Variants in ERAP1 observed in about 807,000 individuals in gnomAD.
ERAP1 encodes the protein endoplasmic reticulum aminopeptidase 1.
In ERAP1, 86 loss-of-function variants were observed where a neutral mutation model predicts 103.7. The ratio of observed to expected loss-of-function variants is 0.83; its 90% CI spans 0.70 to 0.99. The LOEUF (loss-of-function observed/expected upper bound fraction) is 0.99. Among genes scored for constraint, ERAP1 ranks in the 50% least tolerant of loss-of-function variants. The pLI is 0.00. For missense variants in ERAP1, 1,009 were observed against 1,128.4 expected (o/e 0.89, Z 1.52); for synonymous variants, 398 against 402.4 (o/e 0.99, Z 0.13).
the ERAP1 span, chr5:96,892,340 A>G: frequency 3.1e-6 from 5 of 1,613,864 alleles, no homozygotes; most frequent in Non-Finnish European, 4.2e-6. Flanking sequence ...AGCCATGGAA[A>G]ATTGGGGCCT....
chr5:96,870,554 A>G, the ERAP1 span, among the ~76,000 whole-genome samples: 2 of 151,978 alleles, frequency 1.3e-5, no homozygotes, highest in African/African-American at 2.4e-5. Flanking sequence ...CACCTATAAC[A>G]TCCCATAATG....
chr5:96,885,176 TC>T, the ERAP1 span, among the ~76,000 whole-genome samples: 1 of 152,150 alleles, frequency 6.6e-6, no homozygotes, highest in Non-Finnish European at 1.5e-5. Flanking sequence ...CAGACGTATT[TC>T]CCCATAGTCT....
chr5:96,785,676 C>T, intron 13 of ERAP1, 112 bp downstream of exon 13: 1 of 1,224,024 alleles, frequency 8.2e-7, no homozygotes, highest in Non-Finnish European at 1.2e-6. Context: ...TAAAGGAAAA[C>T]ACCTTTCAAC....
chr5:96,902,631 C>A, the ERAP1 span: 2 of 262,510 alleles, frequency 7.6e-6, 1 homozygote, highest in East Asian at 1.7e-4. Context: ...ACCCACTAAT[C>A]TATTTTTACA....
the ERAP1 span, chr5:96,915,593 T>G: frequency 1.7e-6 from 1 of 578,500 alleles, no homozygotes; most frequent in Admixed American, 3.7e-5. Flanking sequence ...GCTTATCACA[T>G]AGTTATTAAT....
intron 7 of ERAP1, 62 bp from the exon 8 acceptor site, chr5:96,792,254 G>A: frequency 6.4e-7 from 1 of 1,552,394 alleles, no homozygotes. Context: ...AAATGTCAAA[G>A]GTGGGACATT....
At chr5:96,879,742 C>T in the ERAP1 span, 1 of 1,614,184 alleles carries the variant, frequency 6.2e-7, no homozygotes, top group Non-Finnish European at 8.5e-7. Context: ...TTAACATTCA[C>T]AGAGGATTTT....
chr5:96,769,382 C>A (rs1581439473), intron 19 of ERAP1: 1 of 146,748 alleles, frequency 6.8e-6, no homozygotes, highest in Non-Finnish European at 1.5e-5. Context: ...ACACTGAAAA[C>A]AGGGTTTTTT....
the ERAP1 span, chr5:96,873,240 AG>A: frequency 4.9e-6 from 2 of 406,248 alleles, no homozygotes; most frequent in Non-Finnish European, 9.9e-6. Flanking sequence ...TTGACAATAA[AG>A]TCTCATCTCT....
At chr5:96,768,546 C>T in intron 19 of ERAP1, 1 of 360,648 alleles carries the variant, frequency 2.8e-6, no homozygotes, top group South Asian at 2.3e-5. Flanking sequence ...ACTTACAGTC[C>T]ACTTATAAAA....
At chr5:96,932,690 A>G in the ERAP1 span, among the ~76,000 whole-genome samples, 10 of 152,354 alleles carry the variant, frequency 6.6e-5, no homozygotes, top group East Asian at 1.5e-3. Flanking sequence ...TTGCTGATCT[A>G]TGGAATACCA....
chr5:96,790,153 TATGGA>T, intron 10 of ERAP1, 138 bp downstream of exon 10: 1 of 760,274 alleles, frequency 1.3e-6, no homozygotes, highest in South Asian at 1.5e-5. Flanking sequence ...AGATTATGAG[TATGGA>T]ATAGTTTAAA....
At chr5:96,805,356 T>TA (rs201671273) in intron 1 of ERAP1, among the ~76,000 whole-genome samples, 12,179 of 133,380 alleles carry the variant, frequency 0.091, 642 homozygotes, top group Middle Eastern at 0.17. Flanking sequence ...GTTTTTTTTT[T>TA]TAAAAAAAAA....
chr5:96,896,965 T>TAAGTCATATGTTGGGTAACGCTAGACTG, the ERAP1 span: 1 of 987,684 alleles, frequency 1.0e-6, no homozygotes, highest in Non-Finnish European at 1.4e-6. Flanking sequence ...GTCAACCATA[T>TAAGTCATATGTTGGGTAACGCTAGACTG]TTATTCTGCT....
At chr5:96,932,932 T>G in the ERAP1 span, among the ~76,000 whole-genome samples, 1 of 152,196 alleles carries the variant, frequency 6.6e-6, no homozygotes, top group Non-Finnish European at 1.5e-5. Context: ...TTATCTCCTT[T>G]GATAATGAAT....
chr5:96,834,335 TAG>T, the ERAP1 span, among the ~76,000 whole-genome samples: 1 of 152,216 alleles, frequency 6.6e-6, no homozygotes, highest in Admixed American at 6.5e-5. Flanking sequence ...TACTATTTGT[TAG>T]AGTTTGTCAA....
At chr5:96,788,726 C>T (rs560226153) in intron 10 of ERAP1, 41 bp from the exon 11 acceptor site, 3 of 1,608,130 alleles carry the variant, frequency 1.9e-6, no homozygotes, top group Non-Finnish European at 2.5e-6. Flanking sequence ...ACCCATTTAA[C>T]CCAACTCTAA....
chr5:96,801,458 G>A (rs796663707), intron 2 of ERAP1, among the ~76,000 whole-genome samples: 8 of 112,862 alleles, frequency 7.1e-5, no homozygotes, highest in African/African-American at 2.2e-4. Context: ...ACCCTGTCTC[G>A]GGAAGAAAAA....
the ERAP1 span, among the ~76,000 whole-genome samples, chr5:96,818,981 A>G: frequency 6.6e-6 from 1 of 151,882 alleles, no homozygotes; most frequent in African/African-American, 2.4e-5. Flanking sequence ...GCTGGAGTGC[A>G]ATGGCATGAT....
Sources: allele counts gnomAD v4.1 joint callset (sites outside exome capture counted in the v4.1 genomes callset), GRCh38; gene constraint gnomAD v4.1.1; transcripts MANE v1.5; gene names NCBI Gene and HGNC (gene_info 2026-07-23, HGNC 2026-07-21).